TMBIM1: variants seen among roughly 807,000 people sequenced by gnomAD.
TMBIM1 encodes the protein protein lifeguard 3.
In TMBIM1, 34 loss-of-function variants were observed where a neutral mutation model predicts 45.1. That is an observed-to-expected ratio of 0.75 (90% CI 0.57 to 1.00). The LOEUF (loss-of-function observed/expected upper bound fraction) is 1.00, where lower values mean the gene tolerates loss of function less well. Ranked by LOEUF, TMBIM1 falls within the 50% of genes least tolerant of loss-of-function variation. TMBIM1 has a pLI of 0.00. For synonymous variants in TMBIM1, 157 were observed against 153.5 expected (o/e 1.02, Z -0.17); for missense variants, 374 against 402.4 (o/e 0.93, Z 0.60).
intron 10 of TMBIM1, among the ~76,000 whole-genome samples, chr2:218,276,417 C>T (rs574526268): frequency 6.6e-6 from 1 of 152,286 alleles, no homozygotes; most frequent in South Asian, 2.1e-4. Context: ...TACAGCCCAG[C>T]CTGGGAGGGG....
chr2:218,291,721 A>G (rs1267441245), intron 1 of TMBIM1, among the ~76,000 whole-genome samples: 1 of 151,550 alleles, frequency 6.6e-6, no homozygotes, highest in African/African-American at 2.4e-5. Flanking sequence ...CAGTCTCTCC[A>G]CTTGCTTTCC....
chr2:218,279,335 C>A lies in TMBIM1; in HGVS notation c.322G>T (p.Val108Leu). 1.9e-6 allele frequency: 3 copies of A among 1,586,382 alleles called. No homozygotes were observed. The highest frequency in any genetic ancestry group is 2.6e-6 in the Non-Finnish European group (3 of 1,166,584). ...ATGGCCACAGTGATGAGCAGCTGCACGGAGATGATGGAGTAAACCTGGACA... is the reference window on the plus strand; with the variant it reads ...ATGGCCACAGTGATGAGCAGCTGCAAGGAGATGATGGAGTAAACCTGGACA... ...FIRKVYSIIS[V>L]QLLITVAIIA... Residue 108 changes from valine (V) to leucine (L), a missense_variant, in exon 4 of 12, where the codon GTG becomes TTG. Transcript: ENST00000258412.
At chr2:218,292,129 C>T (rs1692968574) in intron 1 of TMBIM1, among the ~76,000 whole-genome samples, 1 of 152,188 alleles carries the variant, frequency 6.6e-6, no homozygotes, top group Non-Finnish European at 1.5e-5. Flanking sequence ...GGTGGATAGG[C>T]CCTGCGACAG....
At chr2:218,277,300 G>A (rs2168703) in intron 9 of TMBIM1, 66 bp downstream of exon 9, 1,424,191 of 1,437,308 alleles carry the variant, frequency 0.99, 706,035 homozygotes, top group Non-Finnish European at 1. Flanking sequence ...TCCCTAGTGT[G>A]CCGGGGTCCG....
chr2:218,281,141 G>GTTTTTTTTTGGTT (rs1559504843), intron 2 of TMBIM1: 92 of 95,652 alleles, frequency 9.6e-4, no homozygotes, highest in South Asian at 2.8e-3. Flanking sequence ...TTTTTTTTTG[G>GTTTTTTTTTGGTT]TTTTTTTTTT....
chr2:218,289,336 A>G (rs775133342), intron 1 of TMBIM1, among the ~76,000 whole-genome samples: 6 of 152,136 alleles, frequency 3.9e-5, no homozygotes, highest in Non-Finnish European at 8.8e-5. Context: ...CATCAGTAAG[A>G]CAATTCCCCT....
At chr2:218,276,159 A>G in intron 10 of TMBIM1, 80 bp from the exon 11 acceptor site, 1 of 1,493,054 alleles carries the variant, frequency 6.7e-7, no homozygotes, top group Non-Finnish European at 9.2e-7. Flanking sequence ...CCCCCGGGAT[A>G]GTGGCATGAG....
intron 5 of TMBIM1, 74 bp from the exon 6 acceptor site, chr2:218,278,639 TTTGGGG>T: frequency 6.5e-7 from 1 of 1,539,888 alleles, no homozygotes; most frequent in Non-Finnish European, 9.0e-7. Flanking sequence ...AGGCCAGTGA[TTTGGGG>T]CCCAAATAGC....
At chr2:218,279,713 C>T (rs751354946) in intron 3 of TMBIM1, among the ~76,000 whole-genome samples, 3 of 152,216 alleles carry the variant, frequency 2.0e-5, no homozygotes, top group Non-Finnish European at 4.4e-5. Context: ...TCATTTCTGG[C>T]TCCAAGCTGC....
chr2:218,277,728 TG>T (rs1553657083), intron 7 of TMBIM1, 58 bp from the exon 8 acceptor site: 1 of 1,608,516 alleles, frequency 6.2e-7, no homozygotes, highest in Non-Finnish European at 8.5e-7. Context: ...GGCAGGGTGC[TG>T]GGGGAGTGGC....
At chr2:218,277,724 G>A (rs1691375396) in intron 7 of TMBIM1, 54 bp from the exon 8 acceptor site, 1 of 1,610,728 alleles carries the variant, frequency 6.2e-7, no homozygotes, top group Non-Finnish European at 8.5e-7. Context: ...GGAAGGCAGG[G>A]TGCTGGGGGA....
chr2:218,288,676 C>G (rs1692717047), intron 1 of TMBIM1, among the ~76,000 whole-genome samples: 1 of 152,138 alleles, frequency 6.6e-6, no homozygotes, highest in Non-Finnish European at 1.5e-5. Flanking sequence ...ATATACATAG[C>G]CCCAAATCCG....
chr2:218,291,744 C>G (rs75320554), intron 1 of TMBIM1, among the ~76,000 whole-genome samples: 5,194 of 152,234 alleles, frequency 0.034, 294 homozygotes, highest in African/African-American at 0.12. Flanking sequence ...TTTCCCGTTT[C>G]TCTGTTTTGT....
Position 218,277,003 on chromosome 2 carries a change from C to A in TMBIM1, c.735+1G>T. 1.2e-6 allele frequency: 2 copies of A among 1,613,466 alleles called. No homozygotes were observed. Among genetic ancestry groups the A allele is most frequent in the Non-Finnish European group, 1.7e-6 (2 of 1,179,436 alleles). On this transcript the variant is annotated splice_donor_variant, in intron 10 of 11. Transcript: ENST00000258412. LOFTEE classifies it high-confidence loss of function. ...GACCCCAGCTCTCCTGGGACACTCA[C>A]GTATTGGAAGTAGAGCACAATGCTA...
chr2:218,291,828 G>A (rs1156329485), intron 1 of TMBIM1, among the ~76,000 whole-genome samples: 2 of 152,234 alleles, frequency 1.3e-5, no homozygotes, highest in African/African-American at 4.8e-5. Flanking sequence ...CCGGGAAACA[G>A]TGGCTGGAAG....
intron 1 of TMBIM1, chr2:218,285,855 T>C: frequency 6.5e-6 from 1 of 153,144 alleles, no homozygotes; most frequent in Non-Finnish European, 1.5e-5. Context: ...GCTCTTGGGC[T>C]TCTGCCCAGC....
chr2:218,278,136 G>C, intron 6 of TMBIM1, 162 bp from the exon 7 acceptor site: 2 of 749,364 alleles, frequency 2.7e-6, no homozygotes, highest in Non-Finnish European at 4.3e-6. Context: ...GGTGTGGTAC[G>C]CAGGGACAAC....
chr2:218,288,112 AC>A (rs1692662118), intron 1 of TMBIM1, among the ~76,000 whole-genome samples: 1 of 152,178 alleles, frequency 6.6e-6, no homozygotes, highest in African/African-American at 2.4e-5. Context: ...GACAAAGGAG[AC>A]TGATAACTAA....
At chr2:218,288,351 C>T (rs1692690098) in intron 1 of TMBIM1, among the ~76,000 whole-genome samples, 1 of 152,192 alleles carries the variant, frequency 6.6e-6, no homozygotes, top group East Asian at 1.9e-4. Flanking sequence ...ATGGCATGAA[C>T]CCGGGAGGCG....
Sources: allele counts gnomAD v4.1 joint callset (sites outside exome capture counted in the v4.1 genomes callset), GRCh38; gene constraint gnomAD v4.1.1; transcripts MANE v1.5; gene names NCBI Gene and HGNC (gene_info 2026-07-23, HGNC 2026-07-21).